The following CDR2 variants were observed in gnomAD, a reference collection of about 807,000 sequenced individuals.
CDR2 encodes cerebellar degeneration related protein 2.
Under a neutral mutation model 48.4 loss-of-function variants are expected in CDR2, and 34 were observed. The observed-to-expected ratio is 0.70, with a 90% CI of 0.53 to 0.94. CDR2 has a LOEUF of 0.94. Among genes scored for constraint, CDR2 ranks in the 40% least tolerant of loss-of-function variants. The pLI, the probability that CDR2 is intolerant of heterozygous loss-of-function variation, is 0.00. For synonymous variants in CDR2, 240 were observed against 219.7 expected, an observed-to-expected ratio of 1.09 and a Z score of -0.82; for missense variants, 498 against 549.5, an observed-to-expected ratio of 0.91 and a Z score of 0.94.
chr16:22,350,460 T>C (rs893960783), intron 2 of CDR2, among the ~76,000 whole-genome samples: 2 of 152,206 alleles, frequency 1.3e-5, no homozygotes, highest in African/African-American at 2.4e-5. Flanking sequence ...CTGGGACTGA[T>C]AGATCTAACC....
In CDR2 at chr16:22,351,213, T is replaced by C. The variant is rs1224290652; in HGVS notation, c.193-1364A>G. Among the ~76,000 whole-genome samples the C allele has an allele frequency of 2.0e-5, 3 of 152,232 alleles. No homozygotes were observed. The East Asian group carries it at 5.8e-4, about 29-fold the overall frequency. On this transcript the variant is annotated intron_variant, in intron 2 of 4. Transcript: ENST00000268383. ...GAACTCATCCTTTTTTATGGCTGCA[T>C]AGTATTCCATGGTGTACATGTGCCA...
intron 1 of CDR2, 119 bp from the exon 2 acceptor site, chr16:22,365,133 G>T: frequency 1.5e-6 from 1 of 657,968 alleles, no homozygotes. Context: ...AGGTGGAGTG[G>T]CACAGAAGGA....
At chr16:22,351,546 T>G (rs930855056) in intron 2 of CDR2, among the ~76,000 whole-genome samples, 2 of 152,186 alleles carry the variant, frequency 1.3e-5, no homozygotes, top group African/African-American at 4.8e-5. Context: ...AATCTCTTTC[T>G]CTGAATGAGG....
At chr16:22,358,152 G>T (rs921909910) in intron 2 of CDR2, among the ~76,000 whole-genome samples, 9 of 152,008 alleles carry the variant, frequency 5.9e-5, no homozygotes. Flanking sequence ...TTTTTTTTCT[G>T]AATCTAGAAG....
At chr16:22,370,193 T>C (rs544974921) in intron 1 of CDR2, among the ~76,000 whole-genome samples, 7 of 152,312 alleles carry the variant, frequency 4.6e-5, no homozygotes, top group Admixed American at 2.6e-4. Flanking sequence ...AGGCTGAAAG[T>C]TTTTCCTATT....
intron 2 of CDR2, among the ~76,000 whole-genome samples, chr16:22,357,000 G>A (rs79809742): frequency 0.014 from 2,131 of 149,674 alleles, 59 homozygotes; most frequent in African/African-American, 0.05. Context: ...GGTCTAAAGC[G>A]GCAGCATTCC....
At chr16:22,367,768 C>T (rs967417699) in intron 1 of CDR2, among the ~76,000 whole-genome samples, 2 of 152,190 alleles carry the variant, frequency 1.3e-5, no homozygotes, top group Admixed American at 6.5e-5. Flanking sequence ...TTAGTTTTCA[C>T]TCTGGAAAAA....
At position 22,351,438 on chromosome 16, in the gene CDR2, C is replaced by T. The variant is rs191116987; in HGVS notation, c.193-1589G>A. 1.8e-4 allele frequency among the ~76,000 whole-genome samples: 28 copies of T among 152,236 alleles called. 1 individual carries two copies. Among genetic ancestry groups the T allele is most frequent in the African/African-American group, 5.3e-4 (22 of 41,544 alleles). On this transcript the variant is annotated intron_variant, in intron 2 of 4. Transcript: ENST00000268383. ...GTTCTAGATCCTTGAGGAATTGACA[C>T]CCTGTCTTCCACAATGGTTGAACTA...
intron 2 of CDR2, 29 bp from the exon 3 acceptor site, chr16:22,349,878 A>T: frequency 3.1e-6 from 5 of 1,611,086 alleles, no homozygotes; most frequent in Non-Finnish European, 4.2e-6. Context: ...ACCAGGTGAC[A>T]CAAACAGATA....
At chr16:22,356,999 C>T (rs556185015) in intron 2 of CDR2, among the ~76,000 whole-genome samples, 59 of 149,082 alleles carry the variant, frequency 4.0e-4, no homozygotes, top group Non-Finnish European at 7.6e-4. Flanking sequence ...AGGTCTAAAG[C>T]GGCAGCATTC....
At chr16:22,356,315 G>A (rs117878677) in intron 2 of CDR2, among the ~76,000 whole-genome samples, 2,592 of 152,136 alleles carry the variant, frequency 0.017, 96 homozygotes, top group East Asian at 0.1. Flanking sequence ...AACCTCTTCA[G>A]AAGCCTTTTA....
At chr16:22,354,742 AAATT>A (rs1234890130) in intron 2 of CDR2, among the ~76,000 whole-genome samples, 3 of 151,862 alleles carry the variant, frequency 2.0e-5, no homozygotes, top group African/African-American at 7.3e-5. Flanking sequence ...AAAAAAAAAA[AAATT>A]AGTTAGGCAT....
At chr16:22,349,509 G>A in intron 3 of CDR2, 66 bp from the exon 4 acceptor site, 1 of 1,570,350 alleles carries the variant, frequency 6.4e-7, no homozygotes, top group Non-Finnish European at 8.7e-7. Context: ...GCGGTGAGGA[G>A]AGATTAGGTG....
chr16:22,360,772 C>T (rs1451256923), intron 2 of CDR2, among the ~76,000 whole-genome samples: 8 of 88,034 alleles, frequency 9.1e-5, no homozygotes, highest in South Asian at 7.0e-4. Context: ...TTTTTTGAGA[C>T]GGAGTTTCAC....
intron 2 of CDR2, among the ~76,000 whole-genome samples, chr16:22,352,307 C>T (rs1015141733): frequency 1.3e-5 from 2 of 151,912 alleles, no homozygotes; most frequent in African/African-American, 4.8e-5. Context: ...ATTTGCAAGG[C>T]TAACAAACAA....
At chr16:22,371,378 T>C (rs1294511736) in intron 1 of CDR2, among the ~76,000 whole-genome samples, 1 of 152,168 alleles carries the variant, frequency 6.6e-6, no homozygotes, top group Admixed American at 6.5e-5. Flanking sequence ...CAGCAGCAAG[T>C]GTCTACTGAG....
At chr16:22,371,380 TCTA>T (rs1417135988) in intron 1 of CDR2, among the ~76,000 whole-genome samples, 1 of 152,186 alleles carries the variant, frequency 6.6e-6, no homozygotes. Flanking sequence ...GCAGCAAGTG[TCTA>T]CTGAGGGCCT....
At chr16:22,374,131 TGCATCCTCC>T in intron 1 of CDR2, 91 bp downstream of exon 1, 1 of 747,078 alleles carries the variant, frequency 1.3e-6, no homozygotes, top group Non-Finnish European at 2.2e-6. Flanking sequence ...TCCCGGCACC[TGCATCCTCC>T]GCCGCCACAA....
chr16:22,349,247 T>C lies in CDR2; in HGVS notation c.506+32A>G, dbSNP rs368704011. On this transcript the variant is annotated intron_variant, in intron 4 of 4. Coordinates refer to ENST00000268383, the MANE Select transcript of CDR2 (RefSeq NM_001802.2). ...TGTGCCAATGACATGAGACAGTCCC[T>C]GCTGTAACTCCACAGAAAGGCAGGC... is the stretch of plus-strand genomic sequence containing the variant. The C allele has an allele frequency of 1.9e-5, 31 of 1,612,014 alleles. 1 individual carries two copies. The highest frequency in any genetic ancestry group is 1.8e-4 in the South Asian group (16 of 91,024).
Sources: allele counts gnomAD v4.1 joint callset (sites outside exome capture counted in the v4.1 genomes callset), GRCh38; gene constraint gnomAD v4.1.1; transcripts MANE v1.5; gene names NCBI Gene and HGNC (gene_info 2026-07-23, HGNC 2026-07-21).